Variants in PEX5 observed in about 807,000 individuals in gnomAD.
The protein encoded by PEX5 is PTS1 receptor.
Under a neutral mutation model 82.9 loss-of-function variants are expected in PEX5, and 52 were observed. The ratio of observed to expected loss-of-function variants is 0.63; its 90% confidence interval spans 0.50 to 0.79. The LOEUF (loss-of-function observed/expected upper bound fraction) is 0.79. Ranked by LOEUF, PEX5 falls within the 30% of genes least tolerant of loss-of-function variation. The probability of loss-of-function intolerance (pLI) is 0.00; values close to 1 mark genes in which losing one functional copy is unlikely to be tolerated. For missense variants in PEX5, 719 were observed against 815.2 expected (o/e 0.88, Z 1.44); for synonymous variants, 300 against 318.8 (o/e 0.94, Z 0.63).
chr12:7,208,069 T>G lies in PEX5; in HGVS notation c.1170T>G (p.Ser390Arg). The G allele has an allele frequency of 6.2e-7, 1 of 1,612,978 alleles. No individual in the cohort carries two copies. Among genetic ancestry groups the G allele is most frequent in the Non-Finnish European group, 8.5e-7 (1 of 1,178,908 alleles). ...ATGAACAAGAACTATTAGCCATCAG[T>G]GCATTGCGGAGGTGAGTACACTGAA... ...AENEQELLAI[S>R]ALRRCLELKP... Residue 390 changes from serine to arginine, a missense_variant, in exon 12 of 16, where the codon AGT (serine) becomes AGG (arginine). Ser to Arg is a moderately radical substitution (Grantham distance 110). Coordinates refer to ENST00000675855, the MANE Select transcript of PEX5 (RefSeq NM_001351132.2).
chr12:7,214,706 TAAAGTA>T (rs924207756), downstream of PEX5, among the ~76,000 whole-genome samples: 46 of 143,142 alleles, frequency 3.2e-4, no homozygotes, highest in African/African-American at 1.2e-3. Flanking sequence ...CCCTAAAACT[TAAAGTA>T]TAATAATAAT....
At chr12:7,198,343 G>A (rs1304882561) in intron 5 of PEX5, among the ~76,000 whole-genome samples, 1 of 152,190 alleles carries the variant, frequency 6.6e-6, no homozygotes, top group Non-Finnish European at 1.5e-5. Flanking sequence ...GGTTATGTGA[G>A]TGTATCAAAT....
rs140456601 is a variant in PEX5, at chr12:7,199,035, G to A, written c.473G>A (p.Arg158His). The A allele has an allele frequency of 9.3e-6, 15 of 1,605,426 alleles. No individual in the cohort carries two copies. Among genetic ancestry groups the A allele is most frequent in the African/African-American group, 2.7e-5 (2 of 74,646 alleles). The change falls in exon 6 of 16, where the codon CGC becomes CAC. Residue 158 changes from arginine (R) to histidine (H), a missense_variant. Coordinates refer to ENST00000675855, the MANE Select transcript of PEX5 (RefSeq NM_001351132.2). ...VTDPLSVSPA[R>H]WAEEYLEQSE... ...GACCCCTTGTCTGTGTCCCCTGCCC[G>A]CTGGGCTGAGGAATATTTGGAGCAA...
chr12:7,209,473 T>C (rs763209582), intron 14 of PEX5, among the ~76,000 whole-genome samples: 2 of 127,828 alleles, frequency 1.6e-5, no homozygotes, highest in Non-Finnish European at 3.4e-5. Context: ...TGTAGGGTCA[T>C]CTGGACATAA....
chr12:7,202,760 A>G, intron 9 of PEX5, 56 bp downstream of exon 9: 1 of 1,159,880 alleles, frequency 8.6e-7, no homozygotes, highest in Non-Finnish European at 1.3e-6. Flanking sequence ...CCTTGGAGTG[A>G]GTGGGTGTAT....
At position 7,194,317 on chromosome 12, in the gene PEX5, G is replaced by GA. The variant is rs1051153880; in HGVS notation, c.448+2627dup. Among the ~76,000 whole-genome samples the GA allele has an allele frequency of 2.1e-3, 320 of 148,926 alleles. 1 individual carries two copies. Among genetic ancestry groups the GA allele is most frequent in the African/African-American group, 6.3e-3 (256 of 40,716 alleles). On this transcript the variant is annotated intron_variant, in intron 5 of 15. Transcript: ENST00000675855. The stretch of plus-strand genomic sequence containing the variant: ...GAAGTACTTAGTTTCACTGGAAGTT[G>GA]AAAAAAAAAATGTATAGGAAGGTTC...
chr12:7,196,106 T>A (rs1184183519), intron 5 of PEX5, among the ~76,000 whole-genome samples: 1 of 96,930 alleles, frequency 1.0e-5, no homozygotes, highest in Non-Finnish European at 2.5e-5. Flanking sequence ...ATAACGTATT[T>A]CTTATTACAT....
intron 6 of PEX5, among the ~76,000 whole-genome samples, chr12:7,200,680 G>A (rs953491674): frequency 3.3e-5 from 5 of 152,162 alleles, no homozygotes; most frequent in African/African-American, 1.2e-4. Context: ...TCGCGGTTAG[G>A]AGCTGGAGAC....
At chr12:7,200,585 T>C (rs7954198) in intron 6 of PEX5, among the ~76,000 whole-genome samples, 64,871 of 149,800 alleles carry the variant, frequency 0.43, 14,654 homozygotes, top group Admixed American at 0.59. Context: ...GCCACTGCAC[T>C]CCAGCCTGGG....
intron 5 of PEX5, among the ~76,000 whole-genome samples, chr12:7,192,713 G>A (rs1251040898): frequency 6.6e-6 from 1 of 152,106 alleles, no homozygotes; most frequent in African/African-American, 2.4e-5. Flanking sequence ...GATGATTAAA[G>A]GGACTGAATT....
At chr12:7,191,058 T>G in intron 3 of PEX5, 135 bp downstream of exon 3, 2 of 1,189,614 alleles carry the variant, frequency 1.7e-6, no homozygotes, top group Non-Finnish European at 2.5e-6. Flanking sequence ...TTTAAATGTA[T>G]TTTTTCGTCC....
At chr12:7,201,104 T>TA (rs1169815543) in intron 6 of PEX5, among the ~76,000 whole-genome samples, 1 of 151,174 alleles carries the variant, frequency 6.6e-6, no homozygotes, top group Non-Finnish European at 1.5e-5. Flanking sequence ...ACCTTGTCTT[T>TA]AAAAAACCAA....
At chr12:7,197,517 TTA>T (rs774934547) in intron 5 of PEX5, among the ~76,000 whole-genome samples, 1,144 of 91,044 alleles carry the variant, frequency 0.013, 106 homozygotes, top group African/African-American at 0.036. Context: ...AATGTAATAA[TTA>T]TATGTTATAT....
In PEX5 at chr12:7,210,284, C is replaced by A. The variant is rs746752569; in HGVS notation, c.*61C>A. The A allele has an allele frequency of 1.4e-4, 219 of 1,526,928 alleles. No homozygotes were observed. The highest frequency in any genetic ancestry group is 1.9e-4 in the Non-Finnish European group (210 of 1,104,788). The allele number at this position is 1,526,928 out of a possible 1,614,324, so 94.6% of individuals were successfully genotyped here. A position where few individuals can be genotyped will look rare whatever the true frequency, so the allele number is the denominator to read the frequency against. ...AGGGATCCCCGCTTTGGATGTGATTCCCTCTCCCCAAATGGGCCTACCAAG... is the reference window on the plus strand; with the variant it reads ...AGGGATCCCCGCTTTGGATGTGATTACCTCTCCCCAAATGGGCCTACCAAG... On this transcript the variant is annotated 3_prime_UTR_variant, in exon 16 of 16. Transcript: ENST00000675855.
intron 5 of PEX5, among the ~76,000 whole-genome samples, chr12:7,197,418 T>TTATATATGTCATATACAATGTAATTA (rs372442728): frequency 3.5e-4 from 10 of 28,892 alleles, no homozygotes; most frequent in African/African-American, 7.2e-4. Flanking sequence ...TACAATGTAA[T>TTATATATGTCATATACAATGTAATTA]TATATGTCAT....
chr12:7,200,904 A>AAAGAGG (rs1943809094), intron 6 of PEX5, among the ~76,000 whole-genome samples: 1 of 109,074 alleles, frequency 9.2e-6, no homozygotes, highest in African/African-American at 5.6e-5. Flanking sequence ...GAGAGACCGT[A>AAAGAGG]GGGAGAGGGA....
At chr12:7,197,205 T>TCATATATAATGTAATTATATATGA (rs1942676498) in intron 5 of PEX5, among the ~76,000 whole-genome samples, 1 of 103,600 alleles carries the variant, frequency 9.7e-6, no homozygotes, top group Non-Finnish European at 1.9e-5. Flanking sequence ...ATTATATATG[T>TCATATATAATGTAATTATATATGA]CATATATAAT....
chr12:7,203,195 AC>A (rs1944344460), intron 9 of PEX5, among the ~76,000 whole-genome samples: 2 of 12,332 alleles, frequency 1.6e-4, no homozygotes, highest in Non-Finnish European at 6.5e-4. Context: ...ACTGCACTGC[AC>A]TGCACTGCAC....
At position 7,210,077 on chromosome 12, in the gene PEX5, C is replaced by G. The variant is rs765978796; in HGVS notation, c.1774C>G (p.Pro592Ala). 2 of 1,614,190 alleles carry G rather than the reference C, an allele frequency of 1.2e-6. No homozygotes were observed. The highest frequency in any genetic ancestry group is 1.3e-5 in the African/African-American group (1 of 75,044). Residue 592 changes from proline to alanine, a missense_variant, in exon 16 of 16, where the codon CCC (proline) becomes GCC (alanine). Coordinates refer to ENST00000675855, the MANE Select transcript of PEX5 (RefSeq NM_001351132.2). ...ALNMQRKSRG[P>A]RGEGGAMSEN... ...GAACATGCAGAGGAAAAGCCGGGGC[C>G]CCCGGGGTGAAGGAGGTGCCATGTC...
Sources: allele counts gnomAD v4.1 joint callset (sites outside exome capture counted in the v4.1 genomes callset), GRCh38; gene constraint gnomAD v4.1.1; transcripts MANE v1.5; gene names NCBI Gene and HGNC (gene_info 2026-07-23, HGNC 2026-07-21).